Variants in GALNT17 observed in about 807,000 individuals in gnomAD.
The protein encoded by GALNT17 is polypeptide N-acetylgalactosaminyltransferase 17, also known as UDP-GalNAc:polypeptide N-acetylgalactosaminyltransferase-like 3.
Under a neutral mutation model 63.7 loss-of-function variants are expected in GALNT17, and 29 were observed. The ratio of observed to expected loss-of-function variants is 0.46; its 90% CI spans 0.34 to 0.62. GALNT17 has a LOEUF of 0.62. Ranked by LOEUF, GALNT17 falls within the 20% of genes least tolerant of loss-of-function variation. GALNT17 has a pLI of 0.01. For missense variants in GALNT17, 603 were observed against 799.6 expected (o/e 0.75, Z 2.97); for synonymous variants, 305 against 318.3 (o/e 0.96, Z 0.45).
At chr7:71,375,580 A>G (rs546165210) in intron 2 of GALNT17, among the ~76,000 whole-genome samples, 3 of 152,224 alleles carry the variant, frequency 2.0e-5, no homozygotes, top group South Asian at 2.1e-4. Flanking sequence ...CACCATGCCT[A>G]TCTAATTTAT....
intron 1 of GALNT17, among the ~76,000 whole-genome samples, chr7:71,168,725 G>A (rs1164579362): frequency 6.6e-6 from 1 of 151,936 alleles, no homozygotes. Flanking sequence ...GTGTGTGTGT[G>A]TGTGTGTGTG....
intron 6 of GALNT17, among the ~76,000 whole-genome samples, chr7:71,573,667 A>G (rs1584061011): frequency 6.6e-6 from 1 of 151,982 alleles, no homozygotes; most frequent in East Asian, 1.9e-4. Context: ...TTTAACTTTC[A>G]TTTTAGGTTC....
intron 5 of GALNT17, among the ~76,000 whole-genome samples, chr7:71,454,817 C>T (rs1177634237): frequency 1.3e-5 from 2 of 152,060 alleles, no homozygotes; most frequent in Non-Finnish European, 2.9e-5. Context: ...GGACATGAAA[C>T]CCCTCACTGC....
intron 1 of GALNT17, among the ~76,000 whole-genome samples, chr7:71,232,485 G>C (rs947267630): frequency 6.6e-6 from 1 of 152,098 alleles, no homozygotes; most frequent in African/African-American, 2.4e-5. Context: ...GAAAGCAGGA[G>C]TTAGGGACTA....
intron 6 of GALNT17, among the ~76,000 whole-genome samples, chr7:71,622,758 A>T (rs893017788): frequency 1.6e-4 from 25 of 152,176 alleles, no homozygotes; most frequent in African/African-American, 5.8e-4. Flanking sequence ...CTCTTCAGAC[A>T]ATCCTCCATA....
intron 7 of GALNT17, 103 bp from the exon 8 acceptor site, chr7:71,669,869 A>G: frequency 6.8e-7 from 1 of 1,468,026 alleles, no homozygotes; most frequent in Non-Finnish European, 9.2e-7. Context: ...CCCAGGCTTA[A>G]GATCTTCTAT....
intron 5 of GALNT17, among the ~76,000 whole-genome samples, chr7:71,488,428 A>C (rs1054083995): frequency 6.6e-6 from 1 of 152,128 alleles, no homozygotes; most frequent in African/African-American, 2.4e-5. Flanking sequence ...CACAGTGAGC[A>C]GAATGGGACC....
At chr7:71,638,783 G>T (rs1790564017) in intron 6 of GALNT17, among the ~76,000 whole-genome samples, 1 of 152,158 alleles carries the variant, frequency 6.6e-6, no homozygotes, top group Non-Finnish European at 1.5e-5. Flanking sequence ...ATGACGTTAG[G>T]TAGGTGGACA....
chr7:71,308,789 G>A (rs1023108658), intron 1 of GALNT17, among the ~76,000 whole-genome samples: 1 of 151,222 alleles, frequency 6.6e-6, no homozygotes, highest in African/African-American at 2.4e-5. Context: ...TGTTGCCCAG[G>A]CTGGAGTGCA....
intron 5 of GALNT17, among the ~76,000 whole-genome samples, chr7:71,561,694 G>A (rs1438560859): frequency 1.3e-5 from 2 of 152,128 alleles, no homozygotes; most frequent in African/African-American, 4.8e-5. Flanking sequence ...CGGGTGGCTG[G>A]GGTCTAAGAG....
chr7:71,571,991 A>G (rs1372139339), intron 6 of GALNT17, among the ~76,000 whole-genome samples: 1 of 151,838 alleles, frequency 6.6e-6, no homozygotes, highest in Non-Finnish European at 1.5e-5. Flanking sequence ...TAGCCTGGGC[A>G]ACAGAGCAAG....
At chr7:71,181,990 A>G (rs1448416646) in intron 1 of GALNT17, among the ~76,000 whole-genome samples, 1 of 152,164 alleles carries the variant, frequency 6.6e-6, no homozygotes, top group Admixed American at 6.5e-5. Context: ...AGCCTGACCA[A>G]TATGGAGAAA....
intron 6 of GALNT17, among the ~76,000 whole-genome samples, chr7:71,597,791 C>T (rs1789909810): frequency 6.6e-6 from 1 of 152,108 alleles, no homozygotes; most frequent in South Asian, 2.1e-4. Flanking sequence ...GCAGCCGGTG[C>T]TTCGTGATTA....
At chr7:71,283,603 A>G (rs1411128796) in intron 1 of GALNT17, among the ~76,000 whole-genome samples, 1 of 152,060 alleles carries the variant, frequency 6.6e-6, no homozygotes, top group Admixed American at 6.6e-5. Context: ...TCCCCATCCA[A>G]ATCTTATCTT....
At chr7:71,691,193 G>A (rs181706260) in intron 9 of GALNT17, among the ~76,000 whole-genome samples, 4 of 152,138 alleles carry the variant, frequency 2.6e-5, no homozygotes, top group South Asian at 2.1e-4. Context: ...CCACCACCCC[G>A]CCACCCTGAT....
chr7:71,474,805 A>G (rs1296977817), intron 5 of GALNT17, among the ~76,000 whole-genome samples: 1 of 152,178 alleles, frequency 6.6e-6, no homozygotes, highest in Non-Finnish European at 1.5e-5. Flanking sequence ...CATGTGGCAA[A>G]AATACGACTT....
At chr7:71,680,898 TTTC>T (rs1287295313) in intron 9 of GALNT17, among the ~76,000 whole-genome samples, 16 of 151,042 alleles carry the variant, frequency 1.1e-4, no homozygotes, top group Admixed American at 2.0e-4. Flanking sequence ...CTTCCTTCAT[TTTC>T]TTCTTTCTTT....
At chr7:71,193,103 A>ATTTG (rs199592369) in intron 1 of GALNT17, among the ~76,000 whole-genome samples, 2,376 of 136,536 alleles carry the variant, frequency 0.017, 31 homozygotes, top group Middle Eastern at 0.032. Context: ...TTATTTATTT[A>ATTTG]TTTATTTATT....
chr7:71,317,624 G>A (rs984647937), intron 1 of GALNT17, among the ~76,000 whole-genome samples: 2 of 152,146 alleles, frequency 1.3e-5, no homozygotes, highest in African/African-American at 2.4e-5. Flanking sequence ...TTCTAAAGCT[G>A]GATTCTGAAC....
Sources: allele counts gnomAD v4.1 joint callset (sites outside exome capture counted in the v4.1 genomes callset), GRCh38; gene constraint gnomAD v4.1.1; transcripts MANE v1.5; gene names NCBI Gene and HGNC (gene_info 2026-07-23, HGNC 2026-07-21).